Variants in PXN observed in about 807,000 individuals in gnomAD.
The protein encoded by PXN is testicular tissue protein Li 134.
PXN carries 61 observed loss-of-function variants against 103.6 expected under a neutral mutation model. The ratio of observed to expected loss-of-function variants is 0.59; its 90% CI spans 0.48 to 0.73. PXN has a LOEUF of 0.73. Ranked by LOEUF, PXN falls within the 30% of genes least tolerant of loss-of-function variation. The pLI is 0.00. For synonymous variants in PXN, 562 were observed against 607.8 expected (o/e 0.92, Z 1.11); for missense variants, 1,274 against 1,460.3 (o/e 0.87, Z 2.08).
chr12:120,254,762 G>C (rs934873040), intron 1 of PXN, among the ~76,000 whole-genome samples: 2 of 152,224 alleles, frequency 1.3e-5, no homozygotes, highest in South Asian at 4.1e-4. Flanking sequence ...TGTTGGCCAG[G>C]CTGGTCTTGA....
chr12:120,222,856 G>A lies in PXN; in HGVS notation c.493+7C>T, dbSNP rs1594398525. 1.2e-6 allele frequency: 2 copies of A among 1,613,378 alleles called. No homozygotes were observed. Among genetic ancestry groups the A allele is most frequent in the East Asian group, 4.5e-5 (2 of 44,838 alleles). ...TGGTAGACCCTGCCCCAGGGACCCG[G>A]TCCTACCTGCAGGGAAGCCTGGCGG... On this transcript the variant is annotated splice_region_variant and intron_variant, in intron 4 of 14. Transcript: ENST00000637617. This position sits in a 1 kb window ranked among gnomAD's most constrained non-coding sequence, Gnocchi z 4.7.
intron 1 of PXN, among the ~76,000 whole-genome samples, chr12:120,233,942 G>C (rs1052269406): frequency 6.6e-6 from 1 of 152,132 alleles, no homozygotes; most frequent in African/African-American, 2.4e-5. Context: ...ACCCCCAGGG[G>C]ACAGATGGAA....
chr12:120,226,668 T>C, intron 1 of PXN: 9 of 1,157,018 alleles, frequency 7.8e-6, no homozygotes, highest in Non-Finnish European at 9.7e-6. Context: ...GCTGGTGAAG[T>C]ATTGGTGAGA....
At position 120,213,341 on chromosome 12, in the gene PXN, C is replaced by G. The variant is rs187132942; in HGVS notation, c.2979+501G>C. Among the ~76,000 whole-genome samples, 49 of 152,288 alleles carry G rather than the reference C, an allele frequency of 3.2e-4. No homozygotes were observed. Among genetic ancestry groups the G allele is most frequent in the Admixed American group, 3.1e-3 (48 of 15,304 alleles). The stretch of plus-strand genomic sequence containing the variant: ...GTTGCAGTCAGCCAAGATCGTGCCA[C>G]TGCACACCAGTCTGGGCAACAGAGT... On this transcript the variant is annotated intron_variant, in intron 14 of 14. Coordinates refer to ENST00000637617, the MANE Select transcript of PXN (RefSeq NM_001385981.1). The surrounding 1 kb of genome is among the most constrained non-coding windows in gnomAD (Gnocchi z 4.2).
chr12:120,249,504 C>T (rs1458996589), intron 1 of PXN, among the ~76,000 whole-genome samples: 2 of 152,170 alleles, frequency 1.3e-5, no homozygotes, highest in Non-Finnish European at 2.9e-5. Flanking sequence ...CCTCAATTGC[C>T]AGTGATCAGC....
In PXN at chr12:120,217,313, G is replaced by A. The variant is rs143842258; in HGVS notation, c.1717-197C>T. Among the ~76,000 whole-genome samples the A allele has an allele frequency of 1.6e-3, 248 of 152,224 alleles. 2 individuals carry two copies. Among genetic ancestry groups the A allele is most frequent in the South Asian group, 5.0e-3 (24 of 4,812 alleles). On this transcript the variant is annotated intron_variant, in intron 7 of 14. Transcript: ENST00000637617. This position sits in a 1 kb window ranked among gnomAD's most constrained non-coding sequence, Gnocchi z 4.1. ...TAGAGGCAAGGGGAGGGGGCAGATC[G>A]GACTGGCTCCAGAAGCACAGGCTGC...
rs778217216 is a variant in PXN at position 120,219,518 on chromosome 12, C to T, written c.1405G>A (p.Val469Met). Reference sequence around the variant, plus strand: ...TCTGGGAAGATGGCCTGCCGGTCCACTGCCACTACAGCTGGCTCTGTTACT... The same window carrying T: ...TCTGGGAAGATGGCCTGCCGGTCCATTGCCACTACAGCTGGCTCTGTTACT... ...QEVTEPAVVA[V>M]DRQAIFPDTW... Residue 469 changes from valine (V) to methionine (M), a missense_variant, in exon 7 of 15, where the codon GTG (valine) becomes ATG (methionine). This residue lies in a region of PXN where 1,178 missense variants were observed against 1,309.0 expected (regional missense o/e 0.90). Transcript: ENST00000637617. The surrounding 1 kb of genome is among the most constrained non-coding windows in gnomAD (Gnocchi z 6.5). 7.8e-5 allele frequency: 125 copies of T among 1,594,410 alleles called. No individual in the cohort carries two copies. The highest frequency in any genetic ancestry group is 5.0e-4 in the South Asian group (45 of 90,734).
At position 120,211,635 on chromosome 12, in the gene PXN, C is replaced by T. The variant is rs1012904725; in HGVS notation, c.*679G>A. 2 of 290,022 alleles carry T rather than the reference C, an allele frequency of 6.9e-6. No homozygotes were observed. The highest frequency in any genetic ancestry group is 3.3e-5 in the South Asian group (1 of 29,886). 18.0% of individuals were successfully genotyped at this position (290,022 alleles called of 1,614,324 possible). ...AAGTCGGTACAGTGTCCAGGCACGC[C>T]GTCCCGGAGACGGAGGAAGTGACTA... On this transcript the variant is annotated 3_prime_UTR_variant, in exon 15 of 15. Coordinates refer to ENST00000637617, the MANE Select transcript of PXN (RefSeq NM_001385981.1).
rs1283065022 is a variant in PXN at position 120,210,662 on chromosome 12, C to T, written c.*1652G>A. The T allele has an allele frequency of 2.0e-5, 3 of 152,534 alleles. No homozygotes were observed. Among genetic ancestry groups the T allele is most frequent in the Non-Finnish European group, 4.4e-5 (3 of 68,176 alleles). 9.4% of individuals were successfully genotyped at this position (152,534 alleles called of 1,614,324 possible). Reference sequence around the variant, plus strand: ...TAAGGCCTGCGGGTGAAAGTGGAGACATCAGACCTTTGGAGGGGCTGGGCT... The same window carrying T: ...TAAGGCCTGCGGGTGAAAGTGGAGATATCAGACCTTTGGAGGGGCTGGGCT... On this transcript the variant is annotated 3_prime_UTR_variant, in exon 15 of 15. Transcript: ENST00000637617.
chr12:120,224,512 CT>C lies in PXN; in HGVS notation c.14-136del. On this transcript the variant is annotated intron_variant, in intron 1 of 14. Coordinates refer to ENST00000637617, the MANE Select transcript of PXN (RefSeq NM_001385981.1). This position sits in a 1 kb window ranked among gnomAD's most constrained non-coding sequence, Gnocchi z 5.0. ...CCCACCCATGGGAGAAATGACCAGC[CT>C]TGGGACAGGAAGCCACCAGCCCCGA... is the stretch of plus-strand genomic sequence containing the variant. 1.3e-6 allele frequency: 1 copy of C among 784,586 alleles called. No individual in the cohort carries two copies. Among genetic ancestry groups the C allele is most frequent in the South Asian group, 1.4e-5 (1 of 72,818 alleles). 48.6% of individuals were successfully genotyped at this position (784,586 alleles called of 1,614,324 possible). A position where few individuals can be genotyped will look rare whatever the true frequency, so the allele number is the denominator to read the frequency against.
intron 1 of PXN, among the ~76,000 whole-genome samples, chr12:120,261,145 G>A (rs1009200832): frequency 6.6e-6 from 1 of 152,176 alleles, no homozygotes; most frequent in Non-Finnish European, 1.5e-5. Flanking sequence ...CATGTAAAGT[G>A]CCCAGCACAG....
rs543501243 is a variant in PXN at position 120,221,322 on chromosome 12, G to A, written c.831+301C>T. On this transcript the variant is annotated intron_variant, in intron 6 of 14. Transcript: ENST00000637617. The surrounding 1 kb of genome is among the most constrained non-coding windows in gnomAD (Gnocchi z 6.6). ...CAAGGTTCTTTGTCCCAGCGTCCCA[G>A]CCTCCTGATCCCCTCGACCTGAGAG... 1.3e-5 allele frequency among the ~76,000 whole-genome samples: 2 copies of A among 152,252 alleles called. No homozygotes were observed. The highest frequency in any genetic ancestry group is 4.8e-5 in the African/African-American group (2 of 41,542).
chr12:120,253,977 T>A (rs1594520445), intron 1 of PXN, among the ~76,000 whole-genome samples: 1 of 152,126 alleles, frequency 6.6e-6, no homozygotes, highest in East Asian at 1.9e-4. Flanking sequence ...ACCTCTTGGG[T>A]TCAGGCGATT....
In PXN at chr12:120,225,325, A is replaced by C. The variant is rs1886568961; in HGVS notation, c.14-948T>G. On this transcript the variant is annotated intron_variant, in intron 1 of 14. Transcript: ENST00000637617. This position sits in a 1 kb window ranked among gnomAD's most constrained non-coding sequence, Gnocchi z 4.4. ...CCACACCCTCATTCCTGCCCCGTTC[A>C]CAACTTGCTTGCTCTCAGCTCCCCG... The C allele has an allele frequency of 6.5e-6, 1 of 153,516 alleles. No individual in the cohort carries two copies. The highest frequency in any genetic ancestry group is 1.5e-5 in the Non-Finnish European group (1 of 68,894). The allele number at this position is 153,516 out of a possible 1,614,324, so 9.5% of individuals were successfully genotyped here.
In PXN at chr12:120,229,223, A is replaced by G. The variant is rs569580379; in HGVS notation, c.14-4846T>C. The stretch of plus-strand genomic sequence containing the variant: ...TTGATCCACTGACGCATGGCACTCA[A>G]TATCAGATTAAAGAGAATCAATTAA... On this transcript the variant is annotated intron_variant, in intron 1 of 14. Transcript: ENST00000637617. The surrounding 1 kb of genome is among the most constrained non-coding windows in gnomAD (Gnocchi z 4.0). Among the ~76,000 whole-genome samples, 2 of 152,220 alleles carry G rather than the reference A, an allele frequency of 1.3e-5. No homozygotes were observed. Among genetic ancestry groups the G allele is most frequent in the Non-Finnish European group, 2.9e-5 (2 of 67,990 alleles).
At chr12:120,226,518 C>A in intron 1 of PXN, 1 of 1,243,058 alleles carries the variant, frequency 8.0e-7, no homozygotes. Context: ...AATGGTCAGG[C>A]TTCCTTGTCA....
chr12:120,223,065 C>A (rs1012642172), intron 3 of PXN, 66 bp from the exon 4 acceptor site: 5 of 1,610,440 alleles, frequency 3.1e-6, no homozygotes, highest in Non-Finnish European at 4.2e-6. Flanking sequence ...CTTGGCAGTT[C>A]CCAGATTCCC....
Position 120,216,222 on chromosome 12 carries a change from C to A in PXN, c.2301+51G>T. On this transcript the variant is annotated intron_variant, in intron 9 of 14. Transcript: ENST00000637617. This position sits in a 1 kb window ranked among gnomAD's most constrained non-coding sequence, Gnocchi z 5.1. ...TGTGTGTGTGCAGAGTGGGGGATGG[C>A]TCAGGCATTAGGACAGGGGACAGAA... 1 of 1,268,970 alleles carries A rather than the reference C, an allele frequency of 7.9e-7. No homozygotes were observed. Among genetic ancestry groups the A allele is most frequent in the Non-Finnish European group, 9.9e-7 (1 of 1,011,002 alleles). The allele number at this position is 1,268,970 out of a possible 1,614,324, so 78.6% of individuals were successfully genotyped here.
rs564810725 is a variant in PXN at position 120,214,554 on chromosome 12, A to T, written c.2748+271T>A. On this transcript the variant is annotated intron_variant, in intron 12 of 14. Coordinates refer to ENST00000637617, the MANE Select transcript of PXN (RefSeq NM_001385981.1). This position sits in a 1 kb window ranked among gnomAD's most constrained non-coding sequence, Gnocchi z 5.0. ...GGGAGAGTGAGGCCGCTGGCATCCA[A>T]CTCCATTTATCTCCTCAGGGCTCCT... is the stretch of plus-strand genomic sequence containing the variant. Among the ~76,000 whole-genome samples the T allele has an allele frequency of 6.6e-6, 1 of 152,070 alleles. No individual in the cohort carries two copies. Among genetic ancestry groups the T allele is most frequent in the Non-Finnish European group, 1.5e-5 (1 of 68,004 alleles).
Sources: gnomAD v4.1 joint callset for allele counts (sites outside exome capture counted in the v4.1 genomes callset) on GRCh38, gnomAD v4.1.1 for gene constraint, gnomAD v4.1.1 regional missense constraint, Gnocchi (gnomAD v3.1) non-coding constraint, MANE v1.5 for transcripts, NCBI Gene and HGNC (gene_info 2026-07-23, HGNC 2026-07-21) for gene names.